RHEX: variants seen among roughly 807,000 people sequenced by gnomAD.
RHEX encodes regulator of hemoglobinization and erythroid cell expansion protein.
In RHEX, 18 loss-of-function variants were observed where a neutral mutation model predicts 20.1. The ratio of observed to expected loss-of-function variants is 0.90; its 90% confidence interval spans 0.62 to 1.33. The LOEUF (loss-of-function observed/expected upper bound fraction) is 1.33, where lower values mean the gene tolerates loss of function less well. Among genes scored for constraint, RHEX ranks in the 40% most tolerant of loss-of-function variants. The pLI, the probability that RHEX is intolerant of heterozygous loss-of-function variation, is 0.00. For missense variants in RHEX, 192 were observed against 214.3 expected (o/e 0.90, Z 0.65); for synonymous variants, 87 against 77.1 (o/e 1.13, Z -0.67).
chr1:206,083,623 G>A, intron 1 of RHEX: 1 of 985,308 alleles, frequency 1.0e-6, no homozygotes, highest in Non-Finnish European at 1.2e-6. Flanking sequence ...ACACAGACTG[G>A]GATCAAACTG....
At chr1:206,053,942 G>T (rs1662123086) in intron 1 of RHEX, among the ~76,000 whole-genome samples, 1 of 152,222 alleles carries the variant, frequency 6.6e-6, no homozygotes, top group African/African-American at 2.4e-5. Flanking sequence ...GACTAAACAA[G>T]GTCTTAATAG....
At chr1:206,057,769 G>A (rs141675510) in intron 1 of RHEX, among the ~76,000 whole-genome samples, 481 of 152,236 alleles carry the variant, frequency 3.2e-3, no homozygotes, top group East Asian at 0.01. Context: ...TTGGAAAGAC[G>A]ATGAATGGCC....
intron 1 of RHEX, among the ~76,000 whole-genome samples, chr1:206,064,442 G>T (rs1337461751): frequency 7.1e-5 from 5 of 70,294 alleles, no homozygotes; most frequent in African/African-American, 3.9e-4. Context: ...GGAGGTGGGG[G>T]GGTCAGCCCC....
intron 1 of RHEX, among the ~76,000 whole-genome samples, chr1:206,057,009 T>A (rs564961410): frequency 2.6e-4 from 40 of 152,152 alleles, no homozygotes; most frequent in African/African-American, 9.7e-4. Context: ...AGACCCAAAG[T>A]GGAATAAAGA....
At chr1:206,101,225 C>A in intron 5 of RHEX, 28 bp downstream of exon 5, 1 of 1,564,854 alleles carries the variant, frequency 6.4e-7, no homozygotes, top group Non-Finnish European at 8.7e-7. Flanking sequence ...TGATCTCAGA[C>A]GAACATATGC....
intron 1 of RHEX, among the ~76,000 whole-genome samples, chr1:206,094,175 T>TGTGG (rs1462276415): frequency 7.7e-6 from 1 of 129,114 alleles, no homozygotes; most frequent in African/African-American, 2.5e-5. Context: ...ATTTGGTGTG[T>TGTGG]GTGTGTGTGT....
intron 4 of RHEX, among the ~76,000 whole-genome samples, chr1:206,100,852 A>G (rs1553288294): frequency 6.6e-6 from 1 of 152,088 alleles, no homozygotes; most frequent in African/African-American, 2.4e-5. Context: ...GTATTTTTTA[A>G]CATTAGTTTT....
At chr1:206,066,750 A>C in intron 1 of RHEX, among the ~76,000 whole-genome samples, 1 of 152,234 alleles carries the variant, frequency 6.6e-6, no homozygotes, top group Non-Finnish European at 1.5e-5. Context: ...CATATTCAGT[A>C]GGTTATAGGA....
intron 1 of RHEX, among the ~76,000 whole-genome samples, chr1:206,063,616 G>A (rs1662350594): frequency 6.6e-6 from 1 of 152,262 alleles, no homozygotes; most frequent in African/African-American, 2.4e-5. Flanking sequence ...CTGGTCTCCA[G>A]CTCCTAACCG....
chr1:206,101,663 T>A (rs28491603), intron 5 of RHEX, 89 bp from the exon 6 acceptor site: 5 of 1,023,862 alleles, frequency 4.9e-6, no homozygotes, highest in Admixed American at 4.1e-5. Flanking sequence ...CATGGGCGAA[T>A]CTTGTTGAGT....
intron 1 of RHEX, among the ~76,000 whole-genome samples, chr1:206,058,448 C>T (rs1431879855): frequency 4.0e-5 from 6 of 151,718 alleles, no homozygotes; most frequent in Non-Finnish European, 5.9e-5. Context: ...GAGAGAGACC[C>T]TCTCATATTG....
At chr1:206,081,812 C>G (rs1361092850) in intron 1 of RHEX, among the ~76,000 whole-genome samples, 1 of 151,482 alleles carries the variant, frequency 6.6e-6, no homozygotes, top group Non-Finnish European at 1.5e-5. Flanking sequence ...ATGAATGTTA[C>G]GTGACATTGG....
At chr1:206,088,889 C>T (rs970747341) in intron 1 of RHEX, among the ~76,000 whole-genome samples, 2 of 151,964 alleles carry the variant, frequency 1.3e-5, no homozygotes, top group African/African-American at 4.8e-5. Context: ...GGTGCAACCA[C>T]GGCTCATGTA....
chr1:206,091,009 C>A (rs1662939227), intron 1 of RHEX, among the ~76,000 whole-genome samples: 2 of 152,166 alleles, frequency 1.3e-5, no homozygotes, highest in African/African-American at 4.8e-5. Context: ...CTTCTCCTTG[C>A]CCAAAACTGT....
At chr1:206,082,692 G>A (rs1553286068) in intron 1 of RHEX, among the ~76,000 whole-genome samples, 1 of 152,092 alleles carries the variant, frequency 6.6e-6, no homozygotes, top group African/African-American at 2.4e-5. Context: ...CTGACAATCA[G>A]AGAGGTTAAG....
At chr1:206,095,384 T>TA (rs1297170819) in intron 1 of RHEX, among the ~76,000 whole-genome samples, 6,513 of 151,916 alleles carry the variant, frequency 0.043, 292 homozygotes, top group African/African-American at 0.1. Context: ...ATATTAAGAG[T>TA]AAAAAAATAG....
Position 206,099,654 on chromosome 1 carries a change from G to T in RHEX, c.113-1G>T. Reference sequence around the variant, plus strand: ...TTTGATCCCTGCCCTCTCCCTTCCAGCCCACAAGAGTGAACAGATACTGAA... The same window carrying T: ...TTTGATCCCTGCCCTCTCCCTTCCATCCCACAAGAGTGAACAGATACTGAA... On this transcript the variant is annotated splice_acceptor_variant, in intron 3 of 5. Transcript: ENST00000331555. LOFTEE classifies it high-confidence loss of function. 3 of 1,613,504 alleles carry T rather than the reference G, an allele frequency of 1.9e-6. No individual in the cohort carries two copies. Among genetic ancestry groups the T allele is most frequent in the East Asian group, 2.2e-5 (1 of 44,864 alleles).
At chr1:206,082,476 C>T (rs1204637048) in intron 1 of RHEX, among the ~76,000 whole-genome samples, 18 of 151,656 alleles carry the variant, frequency 1.2e-4, no homozygotes, top group African/African-American at 3.9e-4. Context: ...CGAGGTCGCA[C>T]CATGGCACTC....
chr1:206,060,707 C>A (rs543647947), intron 1 of RHEX: 3 of 152,404 alleles, frequency 2.0e-5, no homozygotes, highest in African/African-American at 7.2e-5. Flanking sequence ...GTCCTCATGT[C>A]TCTTAGTTGC....
Sources: allele counts gnomAD v4.1 joint callset (sites outside exome capture counted in the v4.1 genomes callset), GRCh38; gene constraint gnomAD v4.1.1; transcripts MANE v1.5; gene names NCBI Gene and HGNC (gene_info 2026-07-23, HGNC 2026-07-21).